The following RHCE variants were observed in gnomAD, a reference collection of about 807,000 sequenced individuals.
RHCE encodes Rh blood group CcEe antigens.
A neutral mutation model predicts 43.8 loss-of-function variants in RHCE; 22 were observed. The observed-to-expected ratio is 0.50, with a 90% CI of 0.36 to 0.72. The LOEUF (loss-of-function observed/expected upper bound fraction) is 0.72, where lower values mean the gene tolerates loss of function less well. Among genes scored for constraint, RHCE ranks in the 30% least tolerant of loss-of-function variants. RHCE has a pLI of 0.00. For synonymous variants in RHCE, 156 were observed against 210.7 expected, an observed-to-expected ratio of 0.74 and a Z score of 2.25; for missense variants, 385 against 525.4, an observed-to-expected ratio of 0.73 and a Z score of 2.61.
intron 3 of RHCE, among the ~76,000 whole-genome samples, chr1:25,400,894 TCC>T (rs1190506204): frequency 2.0e-5 from 3 of 152,114 alleles, no homozygotes; most frequent in African/African-American, 7.2e-5. Flanking sequence ...TATCAGCAAA[TCC>T]TGTCAATTCT....
At position 25,429,225 on chromosome 1, in the gene RHCE, T is replaced by G. The variant is rs1193458076; in HGVS notation, c.-136-176A>C. Among the ~76,000 whole-genome samples the G allele has an allele frequency of 2.1e-5, 3 of 145,768 alleles. No homozygotes were observed. The East Asian group carries it at 5.8e-4, about 28-fold the overall frequency. On this transcript the variant is annotated intron_variant, in intron 1 of 11. Coordinates refer to the RHCE transcript ENST00000349320. ...ATGGCATCTACTTCCTGGGAAGTTT[T>G]TTTTTTTTTTTTTTTTTTGAGACAA...
At chr1:25,425,712 G>A (rs2042800238), upstream of RHCE, among the ~76,000 whole-genome samples, 2 of 152,206 alleles carry the variant, frequency 1.3e-5, no homozygotes, top group Non-Finnish European at 2.9e-5. Context: ...AAGCCAGGGA[G>A]CCCACAGCTT....
intron 1 of RHCE, among the ~76,000 whole-genome samples, chr1:25,412,638 G>A (rs187325997): frequency 3.4e-5 from 5 of 146,144 alleles, no homozygotes; most frequent in African/African-American, 1.3e-4. Context: ...CTTGTGCCTA[G>A]AAGGTTAAGG....
At chr1:25,393,695 A>AAG (rs1646451301) in intron 3 of RHCE, among the ~76,000 whole-genome samples, 1 of 151,682 alleles carries the variant, frequency 6.6e-6, no homozygotes, top group Non-Finnish European at 1.5e-5. Flanking sequence ...CTCCCATGTC[A>AAG]CTCAAAGTCA....
chr1:25,376,598 A>C (rs2124342937), intron 7 of RHCE, among the ~76,000 whole-genome samples: 1 of 152,292 alleles, frequency 6.6e-6, no homozygotes, highest in African/African-American at 2.4e-5. Context: ...GAGAGAATTA[A>C]AAAGAATTAC....
intron 8 of RHCE, among the ~76,000 whole-genome samples, chr1:25,373,558 A>T (rs1183695956): frequency 6.6e-6 from 1 of 151,670 alleles, no homozygotes; most frequent in Non-Finnish European, 1.5e-5. Context: ...CTCAAAAATT[A>T]CCCAAGTAAC....
At chr1:25,409,109 AG>A (rs1646998832) in intron 1 of RHCE, among the ~76,000 whole-genome samples, 1 of 123,862 alleles carries the variant, frequency 8.1e-6, no homozygotes, top group Non-Finnish European at 1.8e-5. Flanking sequence ...TTAAGCACTT[AG>A]GGCAGGGCCT....
Position 25,391,989 on chromosome 1 carries a change from C to G in RHCE, c.634+5G>C. 1 of 1,613,838 alleles carries G rather than the reference C, an allele frequency of 6.2e-7. No individual in the cohort carries two copies. On this transcript the variant is annotated splice_donor_5th_base_variant and intron_variant, in intron 4 of 9. Coordinates refer to ENST00000294413, the MANE Select transcript of RHCE (RefSeq NM_020485.8). ...ATGAGACCACTCACCCCACCTTGTCCTTACCCAGCATGGCAGACAAACTGG... is the reference window on the plus strand; with the variant it reads ...ATGAGACCACTCACCCCACCTTGTCGTTACCCAGCATGGCAGACAAACTGG...
At chr1:25,369,730 A>ATTTTTTTT (rs3080376) in intron 9 of RHCE, among the ~76,000 whole-genome samples, 5 of 95,472 alleles carry the variant, frequency 5.2e-5, no homozygotes, top group Admixed American at 1.3e-4. Context: ...CACTGTAAGA[A>ATTTTTTTT]TTTTTTTTTT....
chr1:25,412,263 T>A (rs1302990761), intron 1 of RHCE, among the ~76,000 whole-genome samples: 1 of 152,236 alleles, frequency 6.6e-6, no homozygotes. Flanking sequence ...GGCAAGTCCA[T>A]TACCCTCTTT....
chr1:25,376,275 G>A (rs185825269), intron 7 of RHCE, among the ~76,000 whole-genome samples: 84 of 152,172 alleles, frequency 5.5e-4, no homozygotes, highest in African/African-American at 1.8e-3. Flanking sequence ...AAGCTATTAC[G>A]GGGGCCCCTG....
upstream of RHCE, among the ~76,000 whole-genome samples, chr1:25,424,400 T>C (rs982906951): frequency 3.9e-5 from 6 of 152,254 alleles, no homozygotes; most frequent in African/African-American, 1.4e-4. Context: ...GCTGTGTTTT[T>C]TTTTTAGATG....
intron 5 of RHCE, among the ~76,000 whole-genome samples, chr1:25,389,425 A>T (rs1244579228): frequency 6.6e-6 from 1 of 152,128 alleles, no homozygotes; most frequent in Admixed American, 6.5e-5. Flanking sequence ...GTCCCTGGAC[A>T]GCGGGAAGAA....
At position 25,420,682 on chromosome 1, in the gene RHCE, G is replaced by A. The variant is rs142971926; in HGVS notation, c.105C>T (p.Asp35=). 3,409 of 1,613,682 alleles carry A rather than the reference G, an allele frequency of 2.1e-3. 52 individuals carry two copies. In the African/African-American group the frequency reaches 0.033, roughly 16 times the overall value. The change falls in exon 1 of 10, where the codon GAC becomes GAT. Residue 35 remains aspartate (D), a synonymous_variant. Coordinates refer to ENST00000294413, the MANE Select transcript of RHCE (RefSeq NM_020485.8). ...GCCCCTTTTGATCCTCTAAGGAAGC[G>A]TCATAGTGGGTAAAAAAATAGAAGA... ...ILLFYFFTHY[D]ASLEDQKGLV...
At chr1:25,392,213 G>A (rs940311309) in intron 3 of RHCE, 72 bp from the exon 4 acceptor site, 5 of 1,612,200 alleles carry the variant, frequency 3.1e-6, no homozygotes, top group Non-Finnish European at 3.4e-6. Flanking sequence ...ATGGTCCTTG[G>A]AGAAAGTTCA....
At chr1:25,371,531 C>T (rs1193044625) in intron 8 of RHCE, among the ~76,000 whole-genome samples, 1 of 151,342 alleles carries the variant, frequency 6.6e-6, no homozygotes, top group Non-Finnish European at 1.5e-5. Context: ...CTACCATACC[C>T]AGCTCATTTT....
intron 1 of RHCE, chr1:25,411,374 A>G (rs746649917): frequency 1.3e-5 from 20 of 1,550,476 alleles, no homozygotes; most frequent in South Asian, 9.5e-5. Context: ...TTTGATAACA[A>G]TGAGAAGCTC....
At chr1:25,412,218 A>G (rs1307305870) in intron 1 of RHCE, among the ~76,000 whole-genome samples, 1 of 152,204 alleles carries the variant, frequency 6.6e-6, no homozygotes, top group Non-Finnish European at 1.5e-5. Flanking sequence ...GGCTGTCTCT[A>G]GCTCTTTCTT....
At chr1:25,385,594 G>A (rs1286647760) in intron 7 of RHCE, 117 bp downstream of exon 7, 33 of 1,434,542 alleles carry the variant, frequency 2.3e-5, no homozygotes, top group South Asian at 4.6e-5. Flanking sequence ...AATATTCACC[G>A]AAGCCTACTG....
Sources: gnomAD v4.1 joint callset for allele counts (sites outside exome capture counted in the v4.1 genomes callset) on GRCh38, gnomAD v4.1.1 for gene constraint, MANE v1.5 for transcripts, NCBI Gene and HGNC (gene_info 2026-07-23, HGNC 2026-07-21) for gene names.